AUTS2: variants seen among roughly 807,000 people sequenced by gnomAD.
AUTS2 encodes activator of transcription and developmental regulator AUTS2.
A neutral mutation model predicts 112.4 loss-of-function variants in AUTS2; 17 were observed. The ratio of observed to expected loss-of-function variants is 0.15; its 90% CI spans 0.10 to 0.23. AUTS2 has a LOEUF of 0.23. Among genes scored for constraint, AUTS2 ranks in the 10% least tolerant of loss-of-function variants. The pLI is 1.00. For missense variants in AUTS2, 1,510 were observed against 1,701.6 expected, an observed-to-expected ratio of 0.89 and a Z score of 1.98; for synonymous variants, 751 against 702.7, an observed-to-expected ratio of 1.07 and a Z score of -1.09.
chr7:69,679,147 A>G (rs1796691161), intron 1 of AUTS2, among the ~76,000 whole-genome samples: 1 of 152,160 alleles, frequency 6.6e-6, no homozygotes, highest in South Asian at 2.1e-4. Context: ...AAAGCTAGAG[A>G]GATTGTGACT....
chr7:70,470,338 T>G (rs1797331898), intron 5 of AUTS2, among the ~76,000 whole-genome samples: 1 of 152,150 alleles, frequency 6.6e-6, no homozygotes, highest in African/African-American at 2.4e-5. Flanking sequence ...TTCACCCCAC[T>G]GTGAAAACTC....
At chr7:69,817,790 C>A (rs1174710988) in intron 1 of AUTS2, among the ~76,000 whole-genome samples, 1 of 152,166 alleles carries the variant, frequency 6.6e-6, no homozygotes, top group African/African-American at 2.4e-5. Context: ...CAGGTGCTGT[C>A]CCCTCCTGCA....
intron 4 of AUTS2, among the ~76,000 whole-genome samples, chr7:70,233,054 G>A (rs1436124100): frequency 6.6e-6 from 1 of 152,162 alleles, no homozygotes; most frequent in East Asian, 1.9e-4. Flanking sequence ...AGACATTACT[G>A]AGAGCCTTGG....
chr7:69,836,706 G>A (rs932829978), intron 1 of AUTS2, among the ~76,000 whole-genome samples: 2 of 152,136 alleles, frequency 1.3e-5, no homozygotes, highest in African/African-American at 4.8e-5. Context: ...TGGGAAAACT[G>A]CATTTACTTT....
intron 1 of AUTS2, among the ~76,000 whole-genome samples, chr7:69,775,326 C>T (rs896798118): frequency 2.0e-5 from 3 of 152,234 alleles, no homozygotes; most frequent in African/African-American, 7.2e-5. Flanking sequence ...TTTCTGTCAA[C>T]ATCCTGCTCT....
At chr7:70,553,468 CTGGGGTCTGT>C (rs1801098631) in intron 5 of AUTS2, among the ~76,000 whole-genome samples, 1 of 152,112 alleles carries the variant, frequency 6.6e-6, no homozygotes. Context: ...TGCCTTCTTC[CTGGGGTCTGT>C]TGGCAGTGTT....
At chr7:69,657,629 G>C (rs1394584207) in intron 1 of AUTS2, among the ~76,000 whole-genome samples, 1 of 152,064 alleles carries the variant, frequency 6.6e-6, no homozygotes, top group Non-Finnish European at 1.5e-5. Context: ...GAGCAGATGT[G>C]GGTGGTGAAG....
intron 1 of AUTS2, among the ~76,000 whole-genome samples, chr7:69,653,572 C>G (rs982247599): frequency 1.3e-5 from 2 of 151,782 alleles, no homozygotes; most frequent in African/African-American, 4.8e-5. Flanking sequence ...GTAATTTTCT[C>G]TAAGTGTACT....
At chr7:70,407,829 C>A (rs1009510085) in intron 4 of AUTS2, among the ~76,000 whole-genome samples, 1 of 151,850 alleles carries the variant, frequency 6.6e-6, no homozygotes, top group Admixed American at 6.6e-5. Flanking sequence ...CCAAGGCGGG[C>A]GGATCATGGG....
intron 2 of AUTS2, among the ~76,000 whole-genome samples, chr7:69,936,411 G>A (rs1183297120): frequency 3.3e-5 from 5 of 151,998 alleles, no homozygotes; most frequent in Admixed American, 2.0e-4. Flanking sequence ...GTGCAGTGGC[G>A]TGATCTCGGC....
intron 1 of AUTS2, among the ~76,000 whole-genome samples, chr7:69,796,637 T>C (rs1245234058): frequency 6.6e-6 from 1 of 152,186 alleles, no homozygotes. Flanking sequence ...AAAACATTTA[T>C]GGTCATACCT....
chr7:70,641,538 C>A (rs1456904212), intron 5 of AUTS2, among the ~76,000 whole-genome samples: 1 of 152,068 alleles, frequency 6.6e-6, no homozygotes, highest in South Asian at 2.1e-4. Context: ...GGCAACAGAG[C>A]GAGACTCCAT....
intron 4 of AUTS2, among the ~76,000 whole-genome samples, chr7:70,240,809 A>G (rs1397456075): frequency 6.6e-6 from 1 of 152,242 alleles, no homozygotes; most frequent in Non-Finnish European, 1.5e-5. Context: ...AAGTGTTTAT[A>G]GTAAAAAAGT....
chr7:69,818,570 AT>A (rs1409854327), intron 1 of AUTS2, among the ~76,000 whole-genome samples: 1 of 152,222 alleles, frequency 6.6e-6, no homozygotes, highest in Non-Finnish European at 1.5e-5. Context: ...AATCTATGCA[AT>A]AATGGTTTGG....
intron 1 of AUTS2, among the ~76,000 whole-genome samples, chr7:69,736,993 G>C (rs902480983): frequency 6.6e-6 from 1 of 152,238 alleles, no homozygotes; most frequent in African/African-American, 2.4e-5. Context: ...GGTTATTCCG[G>C]GAAAATCAGA....
intron 4 of AUTS2, among the ~76,000 whole-genome samples, chr7:70,359,050 A>C (rs577705592): frequency 6.6e-6 from 1 of 152,346 alleles, no homozygotes; most frequent in South Asian, 2.1e-4. Context: ...TTTAAAGTAT[A>C]GCATACTGCT....
chr7:70,169,254 T>A (rs1000816226), intron 4 of AUTS2, among the ~76,000 whole-genome samples: 7 of 152,182 alleles, frequency 4.6e-5, no homozygotes, highest in Admixed American at 6.5e-5. Flanking sequence ...ATATATATTT[T>A]TTTTGAGACG....
chr7:69,873,418 CTTTTT>C (rs36005575), intron 1 of AUTS2, among the ~76,000 whole-genome samples: 5 of 125,484 alleles, frequency 4.0e-5, no homozygotes, highest in Admixed American at 8.0e-5. Context: ...GGGGCTCAGG[CTTTTT>C]TTTTTTTTTT....
At position 70,040,353 on chromosome 7, in the gene AUTS2, T is replaced by C. The variant is rs117100302; in HGVS notation, c.523-77779T>C. 3.2e-3 allele frequency among the ~76,000 whole-genome samples: 480 copies of C among 152,218 alleles called. 2 individuals carry two copies. The highest frequency in any genetic ancestry group is 5.6e-3 in the Non-Finnish European group (380 of 67,994). The stretch of plus-strand genomic sequence containing the variant: ...TTTCTGCCCAGTTTTTCTATGAACC[T>C]AAAACTGCTCTGAAAAAAGTATTAA... On this transcript the variant is annotated intron_variant, in intron 2 of 18. Coordinates refer to ENST00000342771, the MANE Select transcript of AUTS2 (RefSeq NM_015570.4).
Sources: gnomAD v4.1 joint callset for allele counts (sites outside exome capture counted in the v4.1 genomes callset) on GRCh38, gnomAD v4.1.1 for gene constraint, MANE v1.5 for transcripts, NCBI Gene and HGNC (gene_info 2026-07-23, HGNC 2026-07-21) for gene names.